The following PACS2 variants were observed in gnomAD, a reference collection of about 807,000 sequenced individuals.
The protein encoded by PACS2 is phosphofurin acidic cluster sorting protein 2.
PACS2 carries 36 observed loss-of-function variants against 113.0 expected under a neutral mutation model. The ratio of observed to expected loss-of-function variants is 0.32; its 90% CI spans 0.24 to 0.42. PACS2 has a LOEUF of 0.42. Among genes scored for constraint, PACS2 ranks in the 10% least tolerant of loss-of-function variants. The pLI is 1.00. For missense variants in PACS2, 1,015 were observed against 1,239.5 expected (o/e 0.82, Z 2.72); for synonymous variants, 589 against 536.1 (o/e 1.10, Z -1.36).
intron 1 of PACS2, among the ~76,000 whole-genome samples, chr14:105,333,680 C>T (rs587643538): frequency 2.0e-5 from 3 of 152,370 alleles, no homozygotes; most frequent in Admixed American, 2.0e-4. Flanking sequence ...CCCCGTGGGC[C>T]ATTGGGGAGG....
chr14:105,320,569 CTGGCCTCAAGTGATCCTCTCACCT>C (rs1285492186), intron 1 of PACS2, among the ~76,000 whole-genome samples: 3 of 152,264 alleles, frequency 2.0e-5, no homozygotes, highest in East Asian at 3.9e-4. Context: ...TCTCCAACTC[CTGGCCTCAAGTGATCCTCTCACCT>C]TGGCCTCTCA....
chr14:105,363,368 C>T (rs782250690), intron 4 of PACS2, among the ~76,000 whole-genome samples: 1 of 152,166 alleles, frequency 6.6e-6, no homozygotes, highest in African/African-American at 2.4e-5. Context: ...TAGCCACCTT[C>T]GTCAAGATCT....
At chr14:105,338,353 T>C (rs1555400967) in intron 1 of PACS2, among the ~76,000 whole-genome samples, 1 of 152,134 alleles carries the variant, frequency 6.6e-6, no homozygotes. Context: ...TCACAAAAAC[T>C]GGGGTGCTGG....
chr14:105,340,655 G>A lies in PACS2; in HGVS notation c.120-7838G>A, dbSNP rs1261827924. ...AACAGGCCAGGAACCTGTCCTGGGG[G>A]TTGGGGACCTCTGGTCTACAGCACA... is the stretch of plus-strand genomic sequence containing the variant. On this transcript the variant is annotated intron_variant, in intron 1 of 24. Transcript: ENST00000447393. The surrounding 1 kb of genome is among the most constrained non-coding windows in gnomAD (Gnocchi z 4.2). Among the ~76,000 whole-genome samples the A allele has an allele frequency of 6.6e-6, 1 of 152,202 alleles. No individual in the cohort carries two copies. The highest frequency in any genetic ancestry group is 1.5e-5 in the Non-Finnish European group (1 of 68,028).
At chr14:105,394,484 C>CAGGCAGGCAGGTGGATAGGGT in intron 24 of PACS2, 70 bp from the exon 25 acceptor site, 1 of 1,593,040 alleles carries the variant, frequency 6.3e-7, no homozygotes, top group Non-Finnish European at 8.5e-7. Flanking sequence ...CCTGGTGGGC[C>CAGGCAGGCAGGTGGATAGGGT]AGGCAGGCAG....
rs1176766573 is a variant in PACS2, at chr14:105,369,748, G to A, written c.742-93G>A. On this transcript the variant is annotated intron_variant, in intron 7 of 24. Transcript: ENST00000447393. ...TGAGGCCTTGCTGCTCTCCCACGGC[G>A]GGCCTGGGTGCGGCCTGGGCCTGAG... The A allele has an allele frequency of 7.4e-6, 8 of 1,084,282 alleles. No homozygotes were observed. The African/African-American group carries it at 9.3e-5, about 13-fold the overall frequency. The allele number at this position is 1,084,282 out of a possible 1,614,324, so 67.2% of individuals were successfully genotyped here.
Position 105,391,332 on chromosome 14 carries a change from A to C in PACS2, c.2119+83A>C, listed in dbSNP as rs2081348114. 3 of 1,079,618 alleles carry C rather than the reference A, an allele frequency of 2.8e-6. No individual in the cohort carries two copies. The East Asian group carries it at 7.1e-5, about 26-fold the overall frequency. The allele number at this position is 1,079,618 out of a possible 1,614,324, so 66.9% of individuals were successfully genotyped here. A position where few individuals can be genotyped will look rare whatever the true frequency, so the allele number is the denominator to read the frequency against. On this transcript the variant is annotated intron_variant, in intron 21 of 24. Transcript: ENST00000447393. Reference sequence around the variant, plus strand: ...CGGTCATTCGAGTCCTGCAGACCAGATCAACCTTTCAGGGCCTGAGAGCCG... The same window carrying C: ...CGGTCATTCGAGTCCTGCAGACCAGCTCAACCTTTCAGGGCCTGAGAGCCG...
rs971301279 is a variant in PACS2, at chr14:105,356,814, G to A, written c.423+1637G>A. 2.7e-4 allele frequency among the ~76,000 whole-genome samples: 41 copies of A among 151,058 alleles called. No individual in the cohort carries two copies. The highest frequency in any genetic ancestry group is 4.0e-4 in the Non-Finnish European group (27 of 67,822). On this transcript the variant is annotated intron_variant, in intron 4 of 24. Coordinates refer to ENST00000447393, the MANE Select transcript of PACS2 (RefSeq NM_001100913.3). This position sits in a 1 kb window ranked among gnomAD's most constrained non-coding sequence, Gnocchi z 4.0. ...CTGCCGGTCCCTGTGTTTCCCATTA[G>A]CCATGCAGGCGATGTCCTGCTGATC...
At chr14:105,378,377 C>G (rs182714277) in intron 9 of PACS2, among the ~76,000 whole-genome samples, 3 of 152,340 alleles carry the variant, frequency 2.0e-5, no homozygotes, top group African/African-American at 7.2e-5. Context: ...GCAGCAGACA[C>G]TGCTAAGTCC....
chr14:105,301,435 G>A (rs2058021833), intron 1 of PACS2, among the ~76,000 whole-genome samples: 1 of 151,790 alleles, frequency 6.6e-6, no homozygotes, highest in East Asian at 1.9e-4. Context: ...TTGAGGCGAG[G>A]GGGCCGAGCG....
rs118171678 is a variant in PACS2 at position 105,348,717 on chromosome 14, G to T, written c.207+137G>T. The T allele has an allele frequency of 4.4e-6, 3 of 679,808 alleles. No homozygotes were observed. The highest frequency in any genetic ancestry group is 3.6e-5 in the African/African-American group (2 of 55,566). 42.1% of individuals were successfully genotyped at this position (679,808 alleles called of 1,614,324 possible). A position where few individuals can be genotyped will look rare whatever the true frequency, so the allele number is the denominator to read the frequency against. Reference sequence around the variant, plus strand: ...CAGCCCATGCCATCTCCGGGAGCCCGGGGGGCTGGGAATGACAGGATGCTC... The same window carrying T: ...CAGCCCATGCCATCTCCGGGAGCCCTGGGGGCTGGGAATGACAGGATGCTC... On this transcript the variant is annotated intron_variant, in intron 2 of 24. Coordinates refer to ENST00000447393, the MANE Select transcript of PACS2 (RefSeq NM_001100913.3). This position sits in a 1 kb window ranked among gnomAD's most constrained non-coding sequence, Gnocchi z 6.4.
At chr14:105,383,882 AG>A (rs1205073393) in intron 16 of PACS2, 21 of 297,040 alleles carry the variant, frequency 7.1e-5, no homozygotes, top group Middle Eastern at 1.0e-3. Context: ...AGTGCAAAGC[AG>A]GGCTCGTTAT....
At chr14:105,322,526 A>G (rs2140851313) in intron 1 of PACS2, among the ~76,000 whole-genome samples, 1 of 152,274 alleles carries the variant, frequency 6.6e-6, no homozygotes, top group South Asian at 2.1e-4. Flanking sequence ...TCGGCCTCCC[A>G]AAGTGCTGGG....
rs587683386 is a variant in PACS2, at chr14:105,365,330, T to C, written c.424-1883T>C. Among the ~76,000 whole-genome samples, 1 of 152,286 alleles carries C rather than the reference T, an allele frequency of 6.6e-6. No homozygotes were observed. Among genetic ancestry groups the C allele is most frequent in the Non-Finnish European group, 1.5e-5 (1 of 68,014 alleles). On this transcript the variant is annotated intron_variant, in intron 4 of 24. Coordinates refer to ENST00000447393, the MANE Select transcript of PACS2 (RefSeq NM_001100913.3). This position sits in a 1 kb window ranked among gnomAD's most constrained non-coding sequence, Gnocchi z 5.1. ...GAGCACTGTCAGGAGGAGAGGAACA[T>C]GCAGCCTGGAGTGTCGGGGCCTGGG...
chr14:105,333,518 C>G (rs181467294), intron 1 of PACS2, among the ~76,000 whole-genome samples: 4 of 152,328 alleles, frequency 2.6e-5, no homozygotes, highest in Non-Finnish European at 5.9e-5. Flanking sequence ...GGGGTGCTGG[C>G]TTGTGTCACC....
intron 1 of PACS2, among the ~76,000 whole-genome samples, chr14:105,319,399 T>C (rs983362849): frequency 7.2e-5 from 11 of 152,232 alleles, no homozygotes; most frequent in African/African-American, 2.7e-4. Context: ...TGAATGTATT[T>C]TGAGAGTTTT....
At chr14:105,322,266 C>T (rs193218461) in intron 1 of PACS2, among the ~76,000 whole-genome samples, 16 of 148,406 alleles carry the variant, frequency 1.1e-4, no homozygotes, top group East Asian at 2.1e-4. Flanking sequence ...TTTTTTGAGA[C>T]GGAGTCTCTC....
At position 105,348,740 on chromosome 14, in the gene PACS2, C is replaced by T. The variant is rs2060038106; in HGVS notation, c.207+160C>T. 2 of 644,282 alleles carry T rather than the reference C, an allele frequency of 3.1e-6. No homozygotes were observed. The highest frequency in any genetic ancestry group is 5.7e-5 in the East Asian group (2 of 35,314). The allele number at this position is 644,282 out of a possible 1,614,324, so 39.9% of individuals were successfully genotyped here. A position where few individuals can be genotyped will look rare whatever the true frequency, so the allele number is the denominator to read the frequency against. On this transcript the variant is annotated intron_variant, in intron 2 of 24. Transcript: ENST00000447393. This position sits in a 1 kb window ranked among gnomAD's most constrained non-coding sequence, Gnocchi z 6.4. ...CCGGGGGGCTGGGAATGACAGGATG[C>T]TCCTGGGTCCAGTCCTGTCCCGCAC...
rs148077215 is a variant in PACS2 at position 105,364,885 on chromosome 14, T to G, written c.424-2328T>G. Among the ~76,000 whole-genome samples the G allele has an allele frequency of 5.3e-5, 8 of 152,120 alleles. No homozygotes were observed. The East Asian group carries it at 1.4e-3, about 26-fold the overall frequency. ...TAATTTTTTATACTTTTTGTAGAGA[T>G]AAGAGTTTCGCCATGTTGCCCAGGC... is the stretch of plus-strand genomic sequence containing the variant. On this transcript the variant is annotated intron_variant, in intron 4 of 24. Transcript: ENST00000447393.
Sources: allele counts gnomAD v4.1 joint callset (sites outside exome capture counted in the v4.1 genomes callset), GRCh38; gene constraint gnomAD v4.1.1; non-coding constraint Gnocchi (gnomAD v3.1); transcripts MANE v1.5; gene names NCBI Gene and HGNC (gene_info 2026-07-23, HGNC 2026-07-21).